Variants in GLMN observed in about 807,000 individuals in gnomAD.
GLMN encodes glomulin, FKBP associated protein.
In GLMN, 75 loss-of-function variants were observed where a neutral mutation model predicts 87.8. The observed-to-expected ratio is 0.85, with a 90% CI of 0.71 to 1.04. GLMN has a LOEUF of 1.04. Among genes scored for constraint, GLMN ranks in the 50% least tolerant of loss-of-function variants. The probability of loss-of-function intolerance (pLI) is 0.00; values close to 1 mark genes in which losing one functional copy is unlikely to be tolerated. For missense variants in GLMN, 588 were observed against 658.8 expected (o/e 0.89, Z 1.18); for synonymous variants, 206 against 221.6 (o/e 0.93, Z 0.63).
At chr1:92,285,013 G>A (rs558094305) in intron 7 of GLMN, among the ~76,000 whole-genome samples, 3 of 152,170 alleles carry the variant, frequency 2.0e-5, no homozygotes, top group Non-Finnish European at 4.4e-5. Context: ...TACACTGTTG[G>A]TGGGAGTGTA....
At chr1:92,344,084 T>A in the GLMN span, among the ~76,000 whole-genome samples, 1 of 152,308 alleles carries the variant, frequency 6.6e-6, no homozygotes, top group South Asian at 2.1e-4. Context: ...TAAACAATAT[T>A]TAGTATTTAG....
At chr1:92,365,630 C>T in the GLMN span, among the ~76,000 whole-genome samples, 3 of 152,058 alleles carry the variant, frequency 2.0e-5, no homozygotes, top group African/African-American at 2.4e-5. Context: ...TTTCTAAAAT[C>T]GTTAATAGTT....
intron 16 of GLMN, among the ~76,000 whole-genome samples, chr1:92,262,340 TTCTATTTATTGAATACTTC>T (rs1390465156): frequency 1.3e-5 from 2 of 152,222 alleles, no homozygotes; most frequent in African/African-American, 2.4e-5. Context: ...TCAAATAGTT[TTCTATTTATTGAATACTTC>T]TCTATTTATT....
upstream of GLMN, chr1:92,298,994 G>A (rs540456991): frequency 1.8e-5 from 12 of 672,240 alleles, no homozygotes; most frequent in Admixed American, 3.5e-5. Context: ...TTCTGGCCCC[G>A]CCCCGCGCTA....
intron 16 of GLMN, among the ~76,000 whole-genome samples, chr1:92,259,821 G>A (rs1654788703): frequency 7.6e-6 from 1 of 132,256 alleles, no homozygotes; most frequent in Admixed American, 9.0e-5. Context: ...TGCAAGCTCC[G>A]CCTCCCGGTT....
upstream of GLMN, chr1:92,300,368 C>G (rs1231445851): frequency 1.4e-6 from 1 of 703,908 alleles, no homozygotes; most frequent in African/African-American, 1.8e-5. Flanking sequence ...AGGGAAAGAT[C>G]TGGGAAGGCC....
chr1:92,360,972 T>C, the GLMN span, among the ~76,000 whole-genome samples: 1 of 151,984 alleles, frequency 6.6e-6, no homozygotes, highest in Non-Finnish European at 1.5e-5. Context: ...GACTAACCTT[T>C]ATTTTCTCAT....
chr1:92,255,841 CAATT>C (rs1216953788), intron 16 of GLMN, among the ~76,000 whole-genome samples: 3 of 152,014 alleles, frequency 2.0e-5, no homozygotes, highest in Admixed American at 6.6e-5. Context: ...CCTAACATCA[CAATT>C]AAAAGAAATA....
chr1:92,259,896 G>C (rs1216507235), intron 16 of GLMN, among the ~76,000 whole-genome samples: 1 of 151,754 alleles, frequency 6.6e-6, no homozygotes. Flanking sequence ...ACCATGCCTG[G>C]CTAATTTTGT....
chr1:92,253,953 G>A (rs1272791888), intron 16 of GLMN, among the ~76,000 whole-genome samples: 7 of 152,162 alleles, frequency 4.6e-5, no homozygotes, highest in Non-Finnish European at 1.0e-4. Context: ...CAGAAGTTGA[G>A]TAATAACAAA....
At chr1:92,294,742 G>A (rs1053203810) in intron 3 of GLMN, among the ~76,000 whole-genome samples, 20 of 151,962 alleles carry the variant, frequency 1.3e-4, no homozygotes, top group African/African-American at 4.8e-4. Flanking sequence ...GCAGTGGTAC[G>A]ATCTTGGCTC....
chr1:92,300,310 C>T (rs766490753), upstream of GLMN: 2 of 1,165,144 alleles, frequency 1.7e-6, no homozygotes, highest in Non-Finnish European at 2.5e-6. Flanking sequence ...AATTTTAAAA[C>T]AATAATGGTT....
intron 7 of GLMN, among the ~76,000 whole-genome samples, chr1:92,278,156 T>C (rs748453010): frequency 6.6e-6 from 1 of 152,032 alleles, no homozygotes; most frequent in Non-Finnish European, 1.5e-5. Context: ...AAACTTGTTA[T>C]GACTATAGTA....
the GLMN span, among the ~76,000 whole-genome samples, chr1:92,363,098 C>A: frequency 6.6e-6 from 1 of 151,982 alleles, no homozygotes; most frequent in African/African-American, 2.4e-5. Flanking sequence ...AAAATAAAAG[C>A]CTTTTTATAA....
chr1:92,323,903 G>A, the GLMN span: 20 of 1,613,962 alleles, frequency 1.2e-5, no homozygotes, highest in Non-Finnish European at 1.6e-5. Flanking sequence ...ACTCTAGTAG[G>A]CATAAGTAAG....
intron 5 of GLMN, among the ~76,000 whole-genome samples, chr1:92,289,375 C>A (rs920668964): frequency 3.9e-5 from 6 of 152,108 alleles, no homozygotes; most frequent in African/African-American, 1.2e-4. Context: ...TTATAACAGA[C>A]TATGTGTAAC....
At chr1:92,309,155 T>C in the GLMN span, among the ~76,000 whole-genome samples, 1 of 151,782 alleles carries the variant, frequency 6.6e-6, no homozygotes, top group Non-Finnish European at 1.5e-5. Context: ...GATGAAAATG[T>C]CCTTTGTGCC....
At chr1:92,288,003 A>G (rs1648968287) in intron 6 of GLMN, among the ~76,000 whole-genome samples, 1 of 151,742 alleles carries the variant, frequency 6.6e-6, no homozygotes, top group African/African-American at 2.4e-5. Flanking sequence ...TCATTTCAAC[A>G]TGTTATCAAT....
At chr1:92,296,246 T>C (rs1650035630) in intron 3 of GLMN, among the ~76,000 whole-genome samples, 1 of 152,150 alleles carries the variant, frequency 6.6e-6, no homozygotes, top group African/African-American at 2.4e-5. Context: ...AGAAAGAGTG[T>C]GTACCTAGAA....
Sources: gnomAD v4.1 joint callset for allele counts (sites outside exome capture counted in the v4.1 genomes callset) on GRCh38, gnomAD v4.1.1 for gene constraint, MANE v1.5 for transcripts, NCBI Gene and HGNC (gene_info 2026-07-23, HGNC 2026-07-21) for gene names.